GRIN3B: variants seen among roughly 807,000 people sequenced by gnomAD.
The protein encoded by GRIN3B is glutamate receptor ionotropic, NMDA 3B.
Under a neutral mutation model 66.0 loss-of-function variants are expected in GRIN3B, and 77 were observed. That is an observed-to-expected ratio of 1.17 (90% CI 0.97 to 1.41). The LOEUF (loss-of-function observed/expected upper bound fraction) is 1.41. Ranked by LOEUF, GRIN3B falls within the 40% of genes most tolerant of loss-of-function variation. The pLI is 0.00. For synonymous variants in GRIN3B, 823 were observed against 749.7 expected, an observed-to-expected ratio of 1.10 and a Z score of -1.60; for missense variants, 1,787 against 1,564.5, an observed-to-expected ratio of 1.14 and a Z score of -2.40.
intron 8 of GRIN3B, 44 bp downstream of exon 8, chr19:1,008,971 C>CCCA: frequency 6.4e-7 from 1 of 1,554,928 alleles, no homozygotes; most frequent in Non-Finnish European, 8.7e-7. Flanking sequence ...ACCACCCAGA[C>CCCA]CCACCACCCC....
chr19:1,007,641 C>A lies in GRIN3B; in HGVS notation c.2066C>A (p.Ala689Glu). ...GIHDPKLHHP[A>E]QGFRFGTVWE... Reference sequence around the variant, plus strand: ...TCCCCCGCGCAGCTGCACCACCCGGCGCAGGGCTTCCGCTTCGGCACCGTG... The same window carrying A: ...TCCCCCGCGCAGCTGCACCACCCGGAGCAGGGCTTCCGCTTCGGCACCGTG... Residue 689 changes from alanine to glutamate, a missense_variant, in exon 4 of 9, where the codon GCG (alanine) becomes GAG (glutamate). Transcript: ENST00000234389. The surrounding 1 kb of genome is among the most constrained non-coding windows in gnomAD (Gnocchi z 4.4). 6.6e-7 allele frequency: 1 copy of A among 1,519,576 alleles called. No individual in the cohort carries two copies. Among genetic ancestry groups the A allele is most frequent in the South Asian group, 1.2e-5 (1 of 80,696 alleles). The allele number at this position is 1,519,576 out of a possible 1,614,324, so 94.1% of individuals were successfully genotyped here.
At chr19:1,008,409 C>T (rs1047539893) in intron 6 of GRIN3B, 118 bp downstream of exon 6, 10 of 1,098,860 alleles carry the variant, frequency 9.1e-6, no homozygotes, top group Middle Eastern at 3.0e-4. Context: ...TCTGCTTCTG[C>T]GCACTTCTAT....
Position 1,004,529 on chromosome 19 carries a change from C to A in GRIN3B, c.1028C>A (p.Ala343Asp). 1 of 805,162 alleles carries A rather than the reference C, an allele frequency of 1.2e-6. No individual in the cohort carries two copies. The highest frequency in any genetic ancestry group is 1.9e-6 in the Non-Finnish European group (1 of 519,080). The allele number at this position is 805,162 out of a possible 1,614,324, so 49.9% of individuals were successfully genotyped here. ...CCCCGCCCTGCCCCTAGGTTCCTGG[C>A]CAACACGTCCTTCCAGGGCCGCACG... ...SPGRFLARFL[A>D]NTSFQGRTGP... The change falls in exon 3 of 9, where the codon GCC (alanine) becomes GAC (aspartate). Residue 343 changes from alanine to aspartate, a missense_variant. Coordinates refer to ENST00000234389, the MANE Select transcript of GRIN3B (RefSeq NM_138690.3).
rs774771156 is a variant in GRIN3B at position 1,007,995 on chromosome 19, G to T, written c.2314+24G>T. 1 of 1,606,424 alleles carries T rather than the reference G, an allele frequency of 6.2e-7. No homozygotes were observed. Among genetic ancestry groups the T allele is most frequent in the Non-Finnish European group, 8.5e-7 (1 of 1,174,832 alleles). On this transcript the variant is annotated intron_variant, in intron 5 of 8. Transcript: ENST00000234389. This position sits in a 1 kb window ranked among gnomAD's most constrained non-coding sequence, Gnocchi z 4.4. The stretch of plus-strand genomic sequence containing the variant: ...GGGTGAGAGGCACCTGGGCGAGGCG[G>T]GGCGCCGGGGTCTCTGGGGACCTCC...
intron 1 of GRIN3B, among the ~76,000 whole-genome samples, chr19:1,001,436 C>A (rs1296622118): frequency 1.3e-4 from 20 of 151,918 alleles, no homozygotes; most frequent in Admixed American, 1.3e-3. Flanking sequence ...TCCCACCCCC[C>A]AACCCCTGGC....
In GRIN3B at chr19:1,004,513, G is replaced by T. The variant is rs1254873213; in HGVS notation, c.1020-8G>T. ...CGACACCTGACACCCCCCCCGCCCT[G>T]CCCCTAGGTTCCTGGCCAACACGTC... On this transcript the variant is annotated splice_region_variant and splice_polypyrimidine_tract_variant and intron_variant, in intron 2 of 8. Coordinates refer to ENST00000234389, the MANE Select transcript of GRIN3B (RefSeq NM_138690.3). 2.9e-5 allele frequency: 30 copies of T among 1,039,448 alleles called. No homozygotes were observed. In the Admixed American group the frequency reaches 4.2e-4, roughly 15 times the overall value. 64.4% of individuals were successfully genotyped at this position (1,039,448 alleles called of 1,614,324 possible). A position where few individuals can be genotyped will look rare whatever the true frequency, so the allele number is the denominator to read the frequency against.
chr19:1,008,749 G>C lies in GRIN3B; in HGVS notation c.2598G>C (p.Gly866=). The C allele has an allele frequency of 6.2e-7, 1 of 1,606,902 alleles. No homozygotes were observed. The highest frequency in any genetic ancestry group is 8.5e-7 in the Non-Finnish European group (1 of 1,177,352). Residue 866 remains glycine, a synonymous_variant, in exon 7 of 9, where the codon GGG becomes GGC. Coordinates refer to ENST00000234389, the MANE Select transcript of GRIN3B (RefSeq NM_138690.3). ...TGGCGCTGCCGCGCATCCGCAAGGG[G>C]AGCAGGCTGCAGTACTGGCTGCACA... ...FRLALPRIRK[G]SRLQYWLHTS...
intron 1 of GRIN3B, chr19:1,001,954 A>C (rs1263388390): frequency 6.6e-6 from 1 of 152,270 alleles, no homozygotes; most frequent in Non-Finnish European, 1.5e-5. Context: ...ATCCTCCAGC[A>C]CTGGGCACCC....
chr19:1,004,584 G>C lies in GRIN3B; in HGVS notation c.1083G>C (p.Gln361His), dbSNP rs1294207686. ...TGPVWVTGSSQVHMSRHFKVW... is the reference protein window; with the variant it reads ...TGPVWVTGSSHVHMSRHFKVW... ...CCGTGTGGGTGACAGGCAGCTCCCA[G>C]GTACACATGTCTCGGCACTTTAAGG... is the stretch of plus-strand genomic sequence containing the variant. The change falls in exon 3 of 9, where the codon CAG (glutamine) becomes CAC (histidine). Residue 361 changes from glutamine to histidine, a missense_variant. Gln to His is a conservative substitution (Grantham distance 24). Transcript: ENST00000234389. 9 of 1,426,564 alleles carry C rather than the reference G, an allele frequency of 6.3e-6. No homozygotes were observed. The Admixed American group carries it at 1.7e-4, about 27-fold the overall frequency. 88.4% of individuals were successfully genotyped at this position (1,426,564 alleles called of 1,614,324 possible). A position where few individuals can be genotyped will look rare whatever the true frequency, so the allele number is the denominator to read the frequency against.
In GRIN3B at chr19:1,003,180, G is replaced by A; in HGVS notation, c.477G>A (p.Leu159=). The A allele has an allele frequency of 1.3e-6, 2 of 1,509,364 alleles. No individual in the cohort carries two copies. The highest frequency in any genetic ancestry group is 1.3e-5 in the South Asian group (1 of 75,874). The allele number at this position is 1,509,364 out of a possible 1,614,324, so 93.5% of individuals were successfully genotyped here. ...GGGCCAGCCCCCTGGAGACGCTGCT[G>A]GATGTGCTGGTGGCGGTGCTGCAGG... ...LHWASPLETL[L]DVLVAVLQAH... Residue 159 remains leucine (L), a synonymous_variant, in exon 2 of 9, where the codon CTG becomes CTA. Transcript: ENST00000234389.
Position 1,003,644 on chromosome 19 carries a change from G to A in GRIN3B, c.941G>A (p.Arg314Gln), listed in dbSNP as rs1197938032. ...AGTGCGGCCCAGGTGCAGCCGAAGC[G>A]AGCCCTCCTCCCCGCCCCGGTCAAC... ...LGSAAQVQPK[R>Q]ALLPAPVNCG... The change falls in exon 2 of 9, where the codon CGA becomes CAA. Residue 314 changes from arginine (R) to glutamine (Q), a missense_variant. By Grantham distance (43) the Arg-to-Gln change is conservative (BLOSUM62 1). Coordinates refer to ENST00000234389, the MANE Select transcript of GRIN3B (RefSeq NM_138690.3). The A allele has an allele frequency of 9.9e-6, 14 of 1,419,204 alleles. No individual in the cohort carries two copies. Among genetic ancestry groups the A allele is most frequent in the African/African-American group, 3.0e-5 (2 of 66,146 alleles). The allele number at this position is 1,419,204 out of a possible 1,614,324, so 87.9% of individuals were successfully genotyped here.
In GRIN3B at chr19:1,003,658, GC is replaced by G; in HGVS notation, c.959del (p.Pro320ArgfsTer37). ...QVQPKRALLPAPVNCGDLQPA... is the reference protein window; with the variant it reads ...QVQPKRALLPXPVNCGDLQPA... ...GCAGCCGAAGCGAGCCCTCCTCCCCGCCCCGGTCAACTGCGGGGACCTGCAG... is the reference window on the plus strand; with the variant it reads ...GCAGCCGAAGCGAGCCCTCCTCCCCGCCCGGTCAACTGCGGGGACCTGCAG... On this transcript the variant is annotated frameshift_variant, in exon 2 of 9. Coordinates refer to ENST00000234389, the MANE Select transcript of GRIN3B (RefSeq NM_138690.3). LOFTEE classifies it high-confidence loss of function. 7.1e-7 allele frequency: 1 copy of G among 1,412,768 alleles called. No homozygotes were observed. The allele number at this position is 1,412,768 out of a possible 1,614,324, so 87.5% of individuals were successfully genotyped here.
Position 1,009,392 on chromosome 19 carries a change from C to A in GRIN3B, c.2922C>A (p.Pro974=). ...CSYGRPPAAR[P]TGAPQPGELQ... ...ACGGCCGCCCGCCCGCCGCAAGGCC[C>A]ACGGGGGCCCCCCAGCCCGGGGAGC... Residue 974 remains proline (P), a synonymous_variant, in exon 9 of 9, where the codon CCC becomes CCA. Transcript: ENST00000234389. 7.1e-7 allele frequency: 1 copy of A among 1,413,190 alleles called. No homozygotes were observed. The highest frequency in any genetic ancestry group is 9.2e-7 in the Non-Finnish European group (1 of 1,090,710). The allele number at this position is 1,413,190 out of a possible 1,614,324, so 87.5% of individuals were successfully genotyped here.
chr19:1,000,593 CGCCCGCGCCGCCCTGGCCCGG>C lies in GRIN3B; in HGVS notation c.160_180del (p.Arg54_Ala60del). The C allele has an allele frequency of 9.7e-7, 1 of 1,028,206 alleles. No individual in the cohort carries two copies. Among genetic ancestry groups the C allele is most frequent in the Non-Finnish European group, 1.2e-6 (1 of 861,220 alleles). The allele number at this position is 1,028,206 out of a possible 1,614,324, so 63.7% of individuals were successfully genotyped here. A position where few individuals can be genotyped will look rare whatever the true frequency, so the allele number is the denominator to read the frequency against. On this transcript the variant is annotated inframe_deletion, in exon 1 of 9. Transcript: ENST00000234389. ...CCCGCGCGCCTCTCGCCCGCGCCCG[CGCCCGCGCCGCCCTGGCCCGG>C]GCCGCCCTGGCGCCGCGGCTGCCGC...
In GRIN3B at chr19:1,008,169, C is replaced by A. The variant is rs151208360; in HGVS notation, c.2344C>A (p.Pro782Thr). The A allele has an allele frequency of 5.0e-6, 8 of 1,603,878 alleles. No individual in the cohort carries two copies. The African/African-American group carries it at 1.1e-4, about 21-fold the overall frequency. Residue 782 changes from proline to threonine, a missense_variant, in exon 6 of 9, where the codon CCG (proline) becomes ACG (threonine). Transcript: ENST00000234389. ...TGGGATCGGACTGCCCCAGAACTCG[C>A]CGCTCACCTCCAACCTGTCCGAGTT... ...GYGIGLPQNSPLTSNLSEFIS... is the reference protein window; with the variant it reads ...GYGIGLPQNSTLTSNLSEFIS...
rs1291359417 is a variant in GRIN3B at position 1,005,454 on chromosome 19, C to G, written c.1953C>G (p.Ile651Met). Residue 651 changes from isoleucine to methionine, a missense_variant, in exon 3 of 9, where the codon ATC becomes ATG. By Grantham distance (10) the Ile-to-Met change is conservative. Transcript: ENST00000234389. The surrounding 1 kb of genome is among the most constrained non-coding windows in gnomAD (Gnocchi z 5.2). ...TGRLLMNLWA[I>M]FCLLVLSSYT... ...GCCTGCTCATGAACCTCTGGGCCAT[C>G]TTCTGCCTGCTGGTGCTGTCCAGCT... 2.2e-5 allele frequency: 35 copies of G among 1,613,422 alleles called. No homozygotes were observed. The highest frequency in any genetic ancestry group is 2.5e-5 in the Non-Finnish European group (29 of 1,179,998).
chr19:1,004,497 A>C (rs1304579648), intron 2 of GRIN3B, 24 bp from the exon 3 acceptor site: 1 of 1,556,330 alleles, frequency 6.4e-7, no homozygotes, highest in East Asian at 2.4e-5. Context: ...TCGACACCTG[A>C]CACCCCCCCC....
chr19:1,007,836 C>T lies in GRIN3B; in HGVS notation c.2199-20C>T. 1 of 1,569,618 alleles carries T rather than the reference C, an allele frequency of 6.4e-7. No individual in the cohort carries two copies. Among genetic ancestry groups the T allele is most frequent in the Non-Finnish European group, 8.7e-7 (1 of 1,149,892 alleles). The stretch of plus-strand genomic sequence containing the variant: ...GGGGTGGGCGGGGCGATGGCTGACC[C>T]CCGCCCCCGGCCCCAGCAGGAGCGA... On this transcript the variant is annotated intron_variant, in intron 4 of 8. Transcript: ENST00000234389. The surrounding 1 kb of genome is among the most constrained non-coding windows in gnomAD (Gnocchi z 4.4).
chr19:1,006,817 G>A (rs754734081), intron 3 of GRIN3B, among the ~76,000 whole-genome samples: 3 of 152,204 alleles, frequency 2.0e-5, no homozygotes, highest in South Asian at 2.1e-4. Context: ...CAGCTGAGCC[G>A]TCAAAGCCTT....
Sources: allele counts gnomAD v4.1 joint callset (sites outside exome capture counted in the v4.1 genomes callset), GRCh38; gene constraint gnomAD v4.1.1; non-coding constraint Gnocchi (gnomAD v3.1); transcripts MANE v1.5; gene names NCBI Gene and HGNC (gene_info 2026-07-23, HGNC 2026-07-21).